Variants in PCDHA11 observed in about 807,000 individuals in gnomAD.
The protein encoded by PCDHA11 is protocadherin alpha-11.
PCDHA11 carries 61 observed loss-of-function variants against 70.3 expected under a neutral mutation model. The observed-to-expected ratio is 0.87, with a 90% confidence interval of 0.71 to 1.07. The LOEUF (loss-of-function observed/expected upper bound fraction) is 1.07, where lower values mean the gene tolerates loss of function less well. PCDHA11 is among the 50% of genes least tolerant of loss of function. PCDHA11 has a pLI of 0.00. For synonymous variants in PCDHA11, 633 were observed against 555.1 expected (o/e 1.14, Z -1.97); for missense variants, 1,324 against 1,237.5 (o/e 1.07, Z -1.05).
At position 140,876,007 on chromosome 5, in the gene PCDHA11, G is replaced by A. The variant is rs1177191662; in HGVS notation, c.2391+4513G>A. 9 of 1,613,658 alleles carry A rather than the reference G, an allele frequency of 5.6e-6. No individual in the cohort carries two copies. Among genetic ancestry groups the A allele is most frequent in the Non-Finnish European group, 7.6e-6 (9 of 1,179,880 alleles). ...TGCGTTAAGTCTAAATGAGAATTTTGAGCTTAAAATAAAAACAAAAAAAGA... is the reference window on the plus strand; with the variant it reads ...TGCGTTAAGTCTAAATGAGAATTTTAAGCTTAAAATAAAAACAAAAAAAGA... On this transcript the variant is annotated intron_variant, in intron 1 of 3. Transcript: ENST00000398640.
At chr5:140,904,692 A>G (rs1484371560) in intron 1 of PCDHA11, among the ~76,000 whole-genome samples, 1 of 152,126 alleles carries the variant, frequency 6.6e-6, no homozygotes, top group Non-Finnish European at 1.5e-5. Context: ...GCAGTGTAAA[A>G]TTGTTCCCTT....
At chr5:140,875,241 A>G (rs1176870557) in intron 1 of PCDHA11, 27 of 935,126 alleles carry the variant, frequency 2.9e-5, no homozygotes, top group Non-Finnish European at 3.8e-5. Context: ...TTGTACTTAC[A>G]TAATCAGTCA....
At position 140,870,221 on chromosome 5, in the gene PCDHA11, T is replaced by C. The variant is rs1554163925; in HGVS notation, c.1118T>C (p.Val373Ala). ...AGCACGGTCATTGCCCTGATCAGCG[T>C]GTCTGACCGTGACTCAGGTGTCAAC... ...QPSTVIALIS[V>A]SDRDSGVNGQ... The change falls in exon 1 of 4, where the codon GTG (valine) becomes GCG (alanine). Residue 373 changes from valine (V) to alanine (A), a missense_variant. Physicochemically the swap from Val to Ala is moderately conservative, Grantham distance 64 (BLOSUM62 0). Transcript: ENST00000398640. The C allele has an allele frequency of 1.2e-6, 2 of 1,614,012 alleles. No individual in the cohort carries two copies. Among genetic ancestry groups the C allele is most frequent in the Admixed American group, 3.3e-5 (2 of 60,016 alleles).
Position 140,925,082 on chromosome 5 carries a change from A to AAAGGAAGG in PCDHA11, c.2391+53606_2391+53613dup, listed in dbSNP as rs138596875. 2.5e-3 allele frequency among the ~76,000 whole-genome samples: 363 copies of AAAGGAAGG among 147,386 alleles called. 3 individuals carry two copies. The highest frequency in any genetic ancestry group is 8.0e-3 in the African/African-American group (310 of 38,948). ...GCAACAAAGCAACACGCTCATCTGG[A>AAAGGAAGG]AAGGAAGGAAGGAAGGAAGGAAGGA... On this transcript the variant is annotated intron_variant, in intron 1 of 3. Transcript: ENST00000398640.
In PCDHA11 at chr5:141,010,436, G is replaced by C; in HGVS notation, c.*499G>C. 2 of 1,038,344 alleles carry C rather than the reference G, an allele frequency of 1.9e-6. No individual in the cohort carries two copies. Among genetic ancestry groups the C allele is most frequent in the Admixed American group, 5.8e-5 (2 of 34,296 alleles). The allele number at this position is 1,038,344 out of a possible 1,614,324, so 64.3% of individuals were successfully genotyped here. A position where few individuals can be genotyped will look rare whatever the true frequency, so the allele number is the denominator to read the frequency against. On this transcript the variant is annotated 3_prime_UTR_variant, in exon 4 of 4. Coordinates refer to ENST00000398640, the MANE Select transcript of PCDHA11 (RefSeq NM_018902.5). The stretch of plus-strand genomic sequence containing the variant: ...GGTACAAGGAAGGCAAGAAAACAAA[G>C]ACAAATAAACAGCGGAAGTTATCAG...
chr5:140,988,900 G>A (rs2097319351), intron 3 of PCDHA11: 1 of 152,194 alleles, frequency 6.6e-6, no homozygotes, highest in Admixed American at 6.5e-5. Context: ...ACATTTTAGA[G>A]GGTGTAGTGA....
intron 1 of PCDHA11, among the ~76,000 whole-genome samples, chr5:140,942,026 A>G (rs1394001505): frequency 6.6e-6 from 1 of 152,194 alleles, no homozygotes; most frequent in Non-Finnish European, 1.5e-5. Flanking sequence ...GGAAAAAATA[A>G]TTCATAAACC....
At chr5:140,928,194 A>G in intron 1 of PCDHA11, 2 of 1,614,204 alleles carry the variant, frequency 1.2e-6, no homozygotes, top group East Asian at 2.2e-5. Context: ...TCACTGTGTC[A>G]GTTGCTGATG....
In PCDHA11 at chr5:140,927,920, T is replaced by C. The variant is rs782193396; in HGVS notation, c.2392-51029T>C. Reference sequence around the variant, plus strand: ...GATCATGCCCCCGAACTGGACTTCCTGACTCTTTCGAACCCAGTACCTGAG... The same window carrying C: ...GATCATGCCCCCGAACTGGACTTCCCGACTCTTTCGAACCCAGTACCTGAG... On this transcript the variant is annotated intron_variant, in intron 1 of 3. Transcript: ENST00000398640. 6.2e-6 allele frequency: 10 copies of C among 1,614,120 alleles called. No individual in the cohort carries two copies. In the South Asian group the frequency reaches 1.1e-4, roughly 18 times the overall value.
At chr5:140,950,127 GAC>G (rs1554219301) in intron 1 of PCDHA11, among the ~76,000 whole-genome samples, 2 of 151,794 alleles carry the variant, frequency 1.3e-5, no homozygotes, top group Non-Finnish European at 2.9e-5. Context: ...AAACCCACAA[GAC>G]ACAGTTATAA....
At chr5:140,917,170 G>A (rs1196393398) in intron 1 of PCDHA11, among the ~76,000 whole-genome samples, 1 of 152,184 alleles carries the variant, frequency 6.6e-6, no homozygotes, top group African/African-American at 2.4e-5. Context: ...AGGGGTGATG[G>A]TGGTGATCCC....
Position 140,870,395 on chromosome 5 carries a change from C to T in PCDHA11, c.1292C>T (p.Ser431Leu), listed in dbSNP as rs1554164197. The change falls in exon 1 of 4, where the codon TCG (serine) becomes TTG (leucine). Residue 431 changes from serine (S) to leucine (L), a missense_variant. Physicochemically the swap from Ser to Leu is moderately radical, Grantham distance 145 (BLOSUM62 -2). Transcript: ENST00000398640. The stretch of plus-strand genomic sequence containing the variant: ...GTGGTGACTGCGCGGGATGGGGGTT[C>T]GCCTTCTCTGTGGGCCACGGCCAGG... ...ELVVTARDGG[S>L]PSLWATARVS... 6.2e-7 allele frequency: 1 copy of T among 1,614,218 alleles called. No homozygotes were observed. The highest frequency in any genetic ancestry group is 1.1e-5 in the South Asian group (1 of 91,080).
chr5:140,936,312 C>A (rs2090900162), intron 1 of PCDHA11, among the ~76,000 whole-genome samples: 1 of 152,166 alleles, frequency 6.6e-6, no homozygotes, highest in Non-Finnish European at 1.5e-5. Context: ...ATAGAACTTT[C>A]TGACATGCTA....
At chr5:140,948,856 ATATTACTTCGGGTTTACTTT>A (rs1364138889) in intron 1 of PCDHA11, among the ~76,000 whole-genome samples, 11 of 151,588 alleles carry the variant, frequency 7.3e-5, no homozygotes, top group African/African-American at 2.7e-4. Context: ...TTGCCTTCTT[ATATTACTTCGGGTTTACTTT>A]GCTCTCTTTT....
intron 1 of PCDHA11, chr5:140,875,686 G>A: frequency 6.2e-7 from 1 of 1,613,582 alleles, no homozygotes; most frequent in Non-Finnish European, 8.5e-7. Flanking sequence ...CAAAAGACAC[G>A]GGGACCTTCT....
intron 1 of PCDHA11, among the ~76,000 whole-genome samples, chr5:140,976,433 C>T (rs2096716122): frequency 6.6e-6 from 1 of 152,036 alleles, no homozygotes; most frequent in South Asian, 2.1e-4. Context: ...TGCCTGTAAT[C>T]CCAGCTACTA....
In PCDHA11 at chr5:141,010,237, G is replaced by C; in HGVS notation, c.*300G>C. 2.6e-6 allele frequency: 4 copies of C among 1,551,914 alleles called. No individual in the cohort carries two copies. The highest frequency in any genetic ancestry group is 3.5e-6 in the Non-Finnish European group (4 of 1,147,042). On this transcript the variant is annotated 3_prime_UTR_variant, in exon 4 of 4. Coordinates refer to ENST00000398640, the MANE Select transcript of PCDHA11 (RefSeq NM_018902.5). ...AGAGGCTTCCCAGCCCCGCCAGTGA[G>C]AGGTTGGACTCTCTGCCCTGTGCTC...
chr5:140,942,926 GAA>G (rs1554215307), intron 1 of PCDHA11, among the ~76,000 whole-genome samples: 2 of 151,984 alleles, frequency 1.3e-5, no homozygotes, highest in East Asian at 3.9e-4. Flanking sequence ...AAAAAAAATT[GAA>G]AAAGAGTTTA....
At chr5:140,879,103 GGT>G (rs2057856027) in intron 1 of PCDHA11, among the ~76,000 whole-genome samples, 1 of 152,156 alleles carries the variant, frequency 6.6e-6, no homozygotes, top group Admixed American at 6.6e-5. Flanking sequence ...CACAGTATAT[GGT>G]GTAATTGAAG....
Sources: allele counts gnomAD v4.1 joint callset (sites outside exome capture counted in the v4.1 genomes callset), GRCh38; gene constraint gnomAD v4.1.1; transcripts MANE v1.5; gene names NCBI Gene and HGNC (gene_info 2026-07-23, HGNC 2026-07-21).